The following TRIB3 variants were observed in gnomAD, a reference collection of about 807,000 sequenced individuals.
TRIB3 encodes tribbles homolog 3.
In TRIB3, 20 loss-of-function variants were observed where a neutral mutation model predicts 16.6. The ratio of observed to expected loss-of-function variants is 1.20; its 90% CI spans 0.85 to 1.75. The LOEUF is 1.75. Ranked by LOEUF, TRIB3 falls within the 40% of genes most tolerant of loss-of-function variation. TRIB3 has a pLI of 0.00. For synonymous variants in TRIB3, 208 were observed against 217.0 expected (o/e 0.96, Z 0.36); for missense variants, 484 against 488.9 (o/e 0.99, Z 0.10).
intron 1 of TRIB3, chr20:382,617 C>T: frequency 1.3e-6 from 2 of 1,507,438 alleles, no homozygotes; most frequent in Non-Finnish European, 1.8e-6. Flanking sequence ...TGACACCTAC[C>T]TGGCAACAGG....
Position 380,877 on chromosome 20 carries a change from CTG to C in TRIB3, c.-292_-291del, listed in dbSNP as rs2014617472. On this transcript the variant is annotated 5_prime_UTR_variant, in exon 1 of 4. It introduces an in-frame stop codon into an upstream open reading frame of the 5' UTR. Transcript: ENST00000217233. The stretch of plus-strand genomic sequence containing the variant: ...CGGGCCCGAGGGCATCAGACGGCGG[CTG>C]ATTAGCTCCGGTTTGCATCACCCGG... The C allele has an allele frequency of 1.3e-5, 1 of 77,984 alleles. No homozygotes were observed. Among genetic ancestry groups the C allele is most frequent in the Non-Finnish European group, 3.6e-5 (1 of 27,510 alleles). The allele number at this position is 77,984 out of a possible 1,614,324, so 4.8% of individuals were successfully genotyped here. A position where few individuals can be genotyped will look rare whatever the true frequency, so the allele number is the denominator to read the frequency against.
Position 392,110 on chromosome 20 carries a change from G to A in TRIB3, c.584+531G>A, listed in dbSNP as rs377179989. On this transcript the variant is annotated intron_variant, in intron 3 of 3. Transcript: ENST00000217233. ...CTGAGATGTGAAAGTCATAGTAGCC[G>A]ACAGTGACGAAAGCATCGCCACATT... Among the ~76,000 whole-genome samples the A allele has an allele frequency of 1.7e-3, 262 of 152,104 alleles. 1 individual carries two copies. Among genetic ancestry groups the A allele is most frequent in the African/African-American group, 5.9e-3 (244 of 41,494 alleles).
intron 3 of TRIB3, among the ~76,000 whole-genome samples, chr20:394,696 G>A (rs1010372826): frequency 6.6e-6 from 1 of 152,038 alleles, no homozygotes; most frequent in Non-Finnish European, 1.5e-5. Context: ...TGAGGCAGGA[G>A]GATTGCTTGA....
chr20:381,868 T>C (rs2014663308), intron 1 of TRIB3, among the ~76,000 whole-genome samples: 1 of 152,062 alleles, frequency 6.6e-6, no homozygotes, highest in Admixed American at 6.5e-5. Context: ...GTGTCTGCGG[T>C]GTGTGCTGTG....
Position 396,802 on chromosome 20 carries a change from A to G in TRIB3, c.*112A>G, listed in dbSNP as rs1206557469. ...ACCTTCAGTGCCTTCCAGAAGGGAG[A>G]AAGGCAGAAGCCTGTGTGGAGTGTG... On this transcript the variant is annotated 3_prime_UTR_variant, in exon 4 of 4. Transcript: ENST00000217233. 1 of 1,452,880 alleles carries G rather than the reference A, an allele frequency of 6.9e-7. No homozygotes were observed. Among genetic ancestry groups the G allele is most frequent in the Admixed American group, 2.2e-5 (1 of 44,792 alleles). 90.0% of individuals were successfully genotyped at this position (1,452,880 alleles called of 1,614,324 possible). A position where few individuals can be genotyped will look rare whatever the true frequency, so the allele number is the denominator to read the frequency against.
intron 3 of TRIB3, 67 bp downstream of exon 3, chr20:391,646 C>T (rs938495106): frequency 7.1e-6 from 11 of 1,541,986 alleles, no homozygotes; most frequent in South Asian, 2.4e-5. Flanking sequence ...GGAGAGAAAC[C>T]GAGGCCCAGG....
chr20:388,412 T>A, intron 2 of TRIB3, 111 bp downstream of exon 2: 1 of 1,343,662 alleles, frequency 7.4e-7, no homozygotes, highest in Non-Finnish European at 9.9e-7. Context: ...TTCTTGTGTT[T>A]GTTTAGTGGG....
chr20:382,513 T>G, intron 1 of TRIB3: 1 of 1,535,226 alleles, frequency 6.5e-7, no homozygotes, highest in Non-Finnish European at 8.7e-7. Flanking sequence ...CATCCCAGCC[T>G]CGAACCTGGG....
rs144632965 is a variant in TRIB3 at position 396,314 on chromosome 20, G to C, written c.701G>C (p.Arg234Pro). Residue 234 changes from arginine (R) to proline (P), a missense_variant, in exon 4 of 4, where the codon CGG becomes CCG. Arg to Pro is a moderately radical substitution (Grantham distance 103, BLOSUM62 -2). Coordinates refer to ENST00000217233, the MANE Select transcript of TRIB3 (RefSeq NM_021158.5). ...AYVGPEILSSRASYSGKAADV... is the reference protein window; with the variant it reads ...AYVGPEILSSPASYSGKAADV... ...GTGGGACCTGAGATACTCAGCTCAC[G>C]GGCCTCATACTCGGGCAAGGCAGCC... 5 of 1,613,744 alleles carry C rather than the reference G, an allele frequency of 3.1e-6. No individual in the cohort carries two copies. The highest frequency in any genetic ancestry group is 4.2e-6 in the Non-Finnish European group (5 of 1,180,018).
chr20:391,712 G>A (rs903960145), intron 3 of TRIB3, 133 bp downstream of exon 3: 2 of 1,240,158 alleles, frequency 1.6e-6, no homozygotes, highest in South Asian at 1.5e-5. Flanking sequence ...AGCAGCCCCT[G>A]TTTAGTTCCC....
chr20:396,228 C>T lies in TRIB3; in HGVS notation c.615C>T (p.Asp205=). The T allele has an allele frequency of 6.2e-7, 1 of 1,611,774 alleles. No individual in the cohort carries two copies. Among genetic ancestry groups the T allele is most frequent in the South Asian group, 1.1e-5 (1 of 91,066 alleles). The part of the protein sequence containing the change: ...RKKLVLENLE[D]SCVLTGPDDS... ...AGCTGGTGCTGGAGAACCTGGAGGACTCCTGCGTGCTGACTGGGCCAGATG... is the reference window on the plus strand; with the variant it reads ...AGCTGGTGCTGGAGAACCTGGAGGATTCCTGCGTGCTGACTGGGCCAGATG... Residue 205 remains aspartate, a synonymous_variant, in exon 4 of 4, where the codon GAC becomes GAT. Transcript: ENST00000217233.
At chr20:386,748 T>C (rs1318754203) in intron 1 of TRIB3, among the ~76,000 whole-genome samples, 2 of 151,980 alleles carry the variant, frequency 1.3e-5, no homozygotes, top group African/African-American at 2.4e-5. Flanking sequence ...AATTTTTCTA[T>C]TTTTAGTAGA....
At chr20:391,178 G>A in intron 2 of TRIB3, 109 bp from the exon 3 acceptor site, 1 of 1,249,778 alleles carries the variant, frequency 8.0e-7, no homozygotes. Context: ...AGCGCTTGGT[G>A]CGATGCCTAG....
chr20:383,706 C>T (rs2014721694), intron 1 of TRIB3, among the ~76,000 whole-genome samples: 1 of 152,124 alleles, frequency 6.6e-6, no homozygotes, highest in South Asian at 2.1e-4. Context: ...TCCCAAAGTA[C>T]TGGGATTACA....
At chr20:382,810 A>G (rs1174087680) in intron 1 of TRIB3, among the ~76,000 whole-genome samples, 4 of 152,222 alleles carry the variant, frequency 2.6e-5, no homozygotes, top group African/African-American at 7.2e-5. Flanking sequence ...ATCTGACTAC[A>G]GCCACTCCTT....
intron 3 of TRIB3, among the ~76,000 whole-genome samples, chr20:394,837 G>T (rs2015082916): frequency 6.6e-6 from 1 of 151,870 alleles, no homozygotes; most frequent in South Asian, 2.1e-4. Context: ...GTCATTGGTA[G>T]AAGAGGGACC....
chr20:384,642 A>T (rs1331703435), intron 1 of TRIB3, among the ~76,000 whole-genome samples: 6 of 152,134 alleles, frequency 3.9e-5, no homozygotes, highest in Admixed American at 6.5e-5. Context: ...GATTACAGGC[A>T]TGAGCCACTG....
intron 1 of TRIB3, among the ~76,000 whole-genome samples, chr20:385,097 C>A (rs922085916): frequency 1.3e-5 from 2 of 152,100 alleles, no homozygotes; most frequent in Non-Finnish European, 2.9e-5. Context: ...CCTCTACTAA[C>A]CTCACCTTAT....
intron 3 of TRIB3, 106 bp downstream of exon 3, chr20:391,685 G>A: frequency 1.4e-6 from 2 of 1,418,190 alleles, no homozygotes; most frequent in Non-Finnish European, 9.4e-7. Flanking sequence ...CAAGAAGTGG[G>A]AGAAACTGAA....
Sources: allele counts gnomAD v4.1 joint callset (sites outside exome capture counted in the v4.1 genomes callset), GRCh38; gene constraint gnomAD v4.1.1; transcripts MANE v1.5; gene names NCBI Gene and HGNC (gene_info 2026-07-23, HGNC 2026-07-21).